Variants in KLF12 observed in about 807,000 individuals in gnomAD.
KLF12 encodes Krueppel-like factor 12.
In KLF12, 9 loss-of-function variants were observed where a neutral mutation model predicts 37.8. The observed-to-expected ratio is 0.24, with a 90% CI of 0.14 to 0.42. The LOEUF (loss-of-function observed/expected upper bound fraction) is 0.42, where lower values mean the gene tolerates loss of function less well. KLF12 is among the 10% of genes least tolerant of loss of function. KLF12 has a pLI of 1.00. For synonymous variants in KLF12, 208 were observed against 202.1 expected (o/e 1.03, Z -0.25); for missense variants, 411 against 516.0 (o/e 0.80, Z 1.97).
intron 2 of KLF12, among the ~76,000 whole-genome samples, chr13:73,986,564 T>C (rs1214877474): frequency 6.6e-6 from 1 of 152,120 alleles, no homozygotes; most frequent in African/African-American, 2.4e-5. Context: ...CATGTCCTAA[T>C]CCCTGAAATC....
In KLF12 at chr13:74,081,763, TA is replaced by T. The variant is rs1566203196; in HGVS notation, c.-32+51975del. 2.0e-5 allele frequency among the ~76,000 whole-genome samples: 3 copies of T among 152,328 alleles called. No individual in the cohort carries two copies. In the South Asian group the frequency reaches 6.2e-4, roughly 32 times the overall value. On this transcript the variant is annotated intron_variant, in intron 1 of 7. Coordinates refer to ENST00000377669, the MANE Select transcript of KLF12 (RefSeq NM_007249.5). ...AACGCCTCCTTCCATAGATTTACAA[TA>T]ACCTATTCTCCTATATTACTCGTGC...
chr13:73,761,818 T>A, intron 6 of KLF12, among the ~76,000 whole-genome samples: 1 of 152,160 alleles, frequency 6.6e-6, no homozygotes, highest in South Asian at 2.1e-4. Context: ...CCACAGTCAC[T>A]GGAGAAAGGA....
chr13:73,734,620 G>C (rs1490713937), intron 6 of KLF12, among the ~76,000 whole-genome samples: 3 of 151,342 alleles, frequency 2.0e-5, no homozygotes, highest in South Asian at 4.2e-4. Flanking sequence ...TCCTTTTTTG[G>C]GGGGGTGGGG....
chr13:74,025,244 A>C (rs1190039902), intron 1 of KLF12, among the ~76,000 whole-genome samples: 7 of 152,148 alleles, frequency 4.6e-5, no homozygotes, highest in Admixed American at 4.6e-4. Flanking sequence ...TAAATCCTTC[A>C]ATTTGGCTGT....
the KLF12 span, among the ~76,000 whole-genome samples, chr13:74,188,440 C>A: frequency 6.6e-6 from 1 of 152,060 alleles, no homozygotes; most frequent in Non-Finnish European, 1.5e-5. Context: ...ATGGAAAGTT[C>A]AACGGTTCTA....
intron 3 of KLF12, among the ~76,000 whole-genome samples, chr13:73,854,616 T>A (rs1323674654): frequency 6.6e-6 from 1 of 152,198 alleles, no homozygotes; most frequent in South Asian, 2.1e-4. Flanking sequence ...GTAGTATCCA[T>A]GGGGGATTGG....
chr13:74,133,698 G>A (rs1298372194), intron 1 of KLF12, among the ~76,000 whole-genome samples: 1 of 151,908 alleles, frequency 6.6e-6, no homozygotes, highest in East Asian at 1.9e-4. Flanking sequence ...AAAAAGAGGA[G>A]GGGGTTGTTT....
At chr13:73,885,148 C>T (rs1887163842) in intron 3 of KLF12, among the ~76,000 whole-genome samples, 1 of 152,228 alleles carries the variant, frequency 6.6e-6, no homozygotes, top group South Asian at 2.1e-4. Flanking sequence ...CCATAGCCAA[C>T]AGTGTATTTG....
At chr13:74,068,552 T>G (rs1248313390) in intron 1 of KLF12, among the ~76,000 whole-genome samples, 1 of 121,118 alleles carries the variant, frequency 8.3e-6, no homozygotes, top group East Asian at 2.0e-4. Flanking sequence ...CAAATAAAAT[T>G]TTTTTCTTTT....
At chr13:73,927,129 G>A (rs1002749826) in intron 3 of KLF12, among the ~76,000 whole-genome samples, 1 of 152,072 alleles carries the variant, frequency 6.6e-6, no homozygotes, top group African/African-American at 2.4e-5. Flanking sequence ...TTATCTAAAT[G>A]AACTCTAGAA....
chr13:74,059,402 T>C (rs1253382790), intron 1 of KLF12, among the ~76,000 whole-genome samples: 2 of 152,370 alleles, frequency 1.3e-5, no homozygotes, highest in East Asian at 3.9e-4. Context: ...CCACGAGCAG[T>C]ATACATGCAT....
chr13:74,256,592 G>A, the KLF12 span, among the ~76,000 whole-genome samples: 1 of 152,122 alleles, frequency 6.6e-6, no homozygotes, highest in African/African-American at 2.4e-5. Flanking sequence ...GTAGGGTAAA[G>A]CTAGCACTTC....
chr13:74,201,976 C>G, the KLF12 span, among the ~76,000 whole-genome samples: 2 of 152,166 alleles, frequency 1.3e-5, no homozygotes, highest in African/African-American at 4.8e-5. Flanking sequence ...ATGTGCTTCT[C>G]TACTGCAAAC....
chr13:73,724,555 T>C (rs1876518158), intron 6 of KLF12, among the ~76,000 whole-genome samples: 1 of 152,186 alleles, frequency 6.6e-6, no homozygotes, highest in Non-Finnish European at 1.5e-5. Flanking sequence ...TGTCCAGGTA[T>C]TTGAATTCTG....
chr13:73,829,061 G>T (rs570008323), intron 4 of KLF12, among the ~76,000 whole-genome samples: 1 of 152,112 alleles, frequency 6.6e-6, no homozygotes, highest in South Asian at 2.1e-4. Context: ...ATCCACCTCT[G>T]TGAGCCTGGG....
chr13:73,915,200 C>A (rs545771551), intron 3 of KLF12, among the ~76,000 whole-genome samples: 2 of 152,282 alleles, frequency 1.3e-5, no homozygotes, highest in East Asian at 3.9e-4. Context: ...TTTCCTGCTT[C>A]CCTCTTACAA....
rs574343503 is a variant in KLF12, at chr13:74,022,829, A to G, written c.-31-27776T>C. On this transcript the variant is annotated intron_variant, in intron 1 of 7. Coordinates refer to ENST00000377669, the MANE Select transcript of KLF12 (RefSeq NM_007249.5). ...ATGAAAAAGAAAGAACACAGTACAG[A>G]AGAAGGTATTTTGTCATGCTGAGAT... 9.9e-5 allele frequency among the ~76,000 whole-genome samples: 15 copies of G among 152,062 alleles called. No individual in the cohort carries two copies. The South Asian group carries it at 2.9e-3, about 29-fold the overall frequency.
At chr13:73,910,597 T>C (rs1433696183) in intron 3 of KLF12, among the ~76,000 whole-genome samples, 2 of 152,192 alleles carry the variant, frequency 1.3e-5, no homozygotes, top group Non-Finnish European at 2.9e-5. Flanking sequence ...GAGAGAATGG[T>C]TGTTATCATA....
At chr13:73,844,693 TG>T (rs1436704407) in intron 4 of KLF12, 1 of 152,174 alleles carries the variant, frequency 6.6e-6, no homozygotes, top group Non-Finnish European at 1.5e-5. Flanking sequence ...ATCAATCAAA[TG>T]TATTTATTCC....
Sources: gnomAD v4.1 joint callset for allele counts (sites outside exome capture counted in the v4.1 genomes callset) on GRCh38, gnomAD v4.1.1 for gene constraint, MANE v1.5 for transcripts, NCBI Gene and HGNC (gene_info 2026-07-23, HGNC 2026-07-21) for gene names.